BICC1: variants seen among roughly 807,000 people sequenced by gnomAD.
The protein encoded by BICC1 is protein bicaudal C homolog 1.
A neutral mutation model predicts 111.0 loss-of-function variants in BICC1; 43 were observed. The observed-to-expected ratio is 0.39, with a 90% confidence interval of 0.30 to 0.50. The LOEUF (loss-of-function observed/expected upper bound fraction) is 0.50. BICC1 is among the 20% of genes least tolerant of loss of function. The pLI is 0.88. For synonymous variants in BICC1, 467 were observed against 434.4 expected (o/e 1.07, Z -0.93); for missense variants, 1,091 against 1,203.2 (o/e 0.91, Z 1.38).
In BICC1 at chr10:58,783,930, A is replaced by T. The variant is rs974083539; in HGVS notation, c.308-1071A>T. On this transcript the variant is annotated intron_variant, in intron 3 of 20. Transcript: ENST00000373886. ...GATTGCTGGGCAACTTGAAAACCTG[A>T]TTGAAGAGAGAATTAAGGAGGCTAG... 2.0e-5 allele frequency among the ~76,000 whole-genome samples: 3 copies of T among 152,106 alleles called. No homozygotes were observed. In the South Asian group the frequency reaches 6.2e-4, roughly 32 times the overall value.
intron 2 of BICC1, among the ~76,000 whole-genome samples, chr10:58,696,763 A>G (rs1388061546): frequency 6.6e-6 from 1 of 152,230 alleles, no homozygotes; most frequent in African/African-American, 2.4e-5. Context: ...ATGAGTTAGA[A>G]CAAGAGTTTT....
chr10:58,807,040 C>A lies in BICC1; in HGVS notation c.2258C>A (p.Thr753Lys), dbSNP rs554979199. ...LKKPVVTEVR[T>K]PTNTWSGLGF... ...AAACCAGTGGTGACGGAGGTCAGAA[C>A]GCCCACAAATACCTGGAGTGGCCTG... Residue 753 changes from threonine (T) to lysine (K), a missense_variant, in exon 17 of 21, where the codon ACG becomes AAG. Thr to Lys is a moderately conservative substitution (Grantham distance 78). Transcript: ENST00000373886. 6.2e-7 allele frequency: 1 copy of A among 1,613,734 alleles called. No homozygotes were observed. The highest frequency in any genetic ancestry group is 1.7e-5 in the Admixed American group (1 of 59,958).
chr10:58,683,236 G>T (rs1014905549), intron 2 of BICC1, among the ~76,000 whole-genome samples: 1 of 152,084 alleles, frequency 6.6e-6, no homozygotes, highest in Non-Finnish European at 1.5e-5. Context: ...TGTTCCATTG[G>T]TCTATATCTC....
chr10:58,743,482 G>A (rs895757110), intron 3 of BICC1, among the ~76,000 whole-genome samples: 1 of 76,836 alleles, frequency 1.3e-5, no homozygotes, highest in African/African-American at 5.3e-5. Context: ...TTTTTTTTTT[G>A]GATATTTTGA....
At chr10:58,555,305 C>CTT (rs1564485963) in intron 1 of BICC1, among the ~76,000 whole-genome samples, 1 of 93,828 alleles carries the variant, frequency 1.1e-5, no homozygotes, top group African/African-American at 4.4e-5. Context: ...GGCTGTTGGA[C>CTT]ATTTTTTTTT....
intron 1 of BICC1, among the ~76,000 whole-genome samples, chr10:58,584,618 A>G (rs1844379270): frequency 6.6e-6 from 1 of 152,168 alleles, no homozygotes; most frequent in South Asian, 2.1e-4. Context: ...GTTCGTGAGT[A>G]CAATAATGTA....
chr10:58,535,744 G>A (rs1306632072), intron 1 of BICC1, among the ~76,000 whole-genome samples: 1 of 151,660 alleles, frequency 6.6e-6, no homozygotes, highest in Non-Finnish European at 1.5e-5. Flanking sequence ...AACATTGAAT[G>A]GAGATGGTCT....
At chr10:58,513,882 TC>T (rs1450229947) in intron 1 of BICC1, among the ~76,000 whole-genome samples, 5 of 152,090 alleles carry the variant, frequency 3.3e-5, no homozygotes, top group African/African-American at 1.2e-4. Context: ...AGGGCCAGGA[TC>T]GGGGTGAGCA....
At chr10:58,529,295 A>G (rs2131848481) in intron 1 of BICC1, among the ~76,000 whole-genome samples, 1 of 152,034 alleles carries the variant, frequency 6.6e-6, no homozygotes, top group African/African-American at 2.4e-5. Context: ...AGGGCAGGAA[A>G]ATGTAATGTT....
At chr10:58,799,681 C>A (rs376737766) in intron 12 of BICC1, among the ~76,000 whole-genome samples, 1 of 151,936 alleles carries the variant, frequency 6.6e-6, no homozygotes, top group African/African-American at 2.4e-5. Context: ...TTTCTGGATT[C>A]TCTATTCCGT....
At chr10:58,579,921 G>C (rs1215400137) in intron 1 of BICC1, among the ~76,000 whole-genome samples, 1 of 151,642 alleles carries the variant, frequency 6.6e-6, no homozygotes, top group Non-Finnish European at 1.5e-5. Context: ...AGTCACTCCA[G>C]TTTAGTTTCA....
At chr10:58,595,798 A>G (rs1236497782) in intron 1 of BICC1, among the ~76,000 whole-genome samples, 1 of 152,212 alleles carries the variant, frequency 6.6e-6, no homozygotes, top group African/African-American at 2.4e-5. Flanking sequence ...GTCAAAATTA[A>G]AAGAACTAGA....
At position 58,817,674 on chromosome 10, in the gene BICC1, C is replaced by T; in HGVS notation, c.2646C>T (p.Phe882=). 4 of 1,613,418 alleles carry T rather than the reference C, an allele frequency of 2.5e-6. No homozygotes were observed. Among genetic ancestry groups the T allele is most frequent in the Non-Finnish European group, 3.4e-6 (4 of 1,179,602 alleles). The change falls in exon 19 of 21, where the codon TTC becomes TTT. Residue 882 remains phenylalanine (F), a synonymous_variant. Transcript: ENST00000373886. ...AAGGTTCTGACCTCCCTGAGCTCTTCAGCAAACTGGGCCTGGGCAAATACA... is the reference window on the plus strand; with the variant it reads ...AAGGTTCTGACCTCCCTGAGCTCTTTAGCAAACTGGGCCTGGGCAAATACA... ...SFKGSDLPEL[F]SKLGLGKYTD... is the part of the protein sequence containing the mutation.
At chr10:58,592,242 G>A (rs567139043) in intron 1 of BICC1, among the ~76,000 whole-genome samples, 1 of 152,288 alleles carries the variant, frequency 6.6e-6, no homozygotes, top group Admixed American at 6.5e-5. Flanking sequence ...TTTGGCTAAA[G>A]TTAGGATAAT....
At chr10:58,535,856 A>G (rs1233902551) in intron 1 of BICC1, among the ~76,000 whole-genome samples, 1 of 151,616 alleles carries the variant, frequency 6.6e-6, no homozygotes. Context: ...GGATTCTTAT[A>G]GACCCAAGGG....
chr10:58,632,922 A>C (rs1837841667), intron 2 of BICC1, among the ~76,000 whole-genome samples: 1 of 152,184 alleles, frequency 6.6e-6, no homozygotes, highest in Non-Finnish European at 1.5e-5. Context: ...AAATTCTTTA[A>C]GTGAAAGGTT....
chr10:58,559,137 G>A (rs1658442), intron 1 of BICC1, among the ~76,000 whole-genome samples: 65,911 of 151,452 alleles, frequency 0.44, 16,117 homozygotes, highest in Admixed American at 0.62. Flanking sequence ...TCATAATTGA[G>A]CCCCGAAAAA....
chr10:58,678,110 G>A (rs530459195), intron 2 of BICC1, among the ~76,000 whole-genome samples: 26 of 152,284 alleles, frequency 1.7e-4, no homozygotes, highest in Middle Eastern at 3.4e-3. Flanking sequence ...AAACACCATC[G>A]ATGCTAGGAA....
At chr10:58,699,351 G>T (rs1194817496) in intron 2 of BICC1, among the ~76,000 whole-genome samples, 1 of 152,204 alleles carries the variant, frequency 6.6e-6, no homozygotes, top group African/African-American at 2.4e-5. Context: ...TGTGTATAAA[G>T]CTGTCTTCCC....
Sources: allele counts gnomAD v4.1 joint callset (sites outside exome capture counted in the v4.1 genomes callset), GRCh38; gene constraint gnomAD v4.1.1; transcripts MANE v1.5; gene names NCBI Gene and HGNC (gene_info 2026-07-23, HGNC 2026-07-21).